Variants in OSBPL9 observed in about 807,000 individuals in gnomAD.
OSBPL9 encodes the protein oxysterol binding protein like 9.
In OSBPL9, 40 loss-of-function variants were observed where a neutral mutation model predicts 106.6. That is an observed-to-expected ratio of 0.38 (90% CI 0.29 to 0.49). The LOEUF is 0.49. Ranked by LOEUF, OSBPL9 falls within the 20% of genes least tolerant of loss-of-function variation. The pLI is 0.97. For missense variants in OSBPL9, 609 were observed against 887.2 expected (o/e 0.69, Z 3.98); for synonymous variants, 269 against 295.4 (o/e 0.91, Z 0.92).
chr1:51,520,430 C>G, the OSBPL9 span, among the ~76,000 whole-genome samples: 5 of 152,188 alleles, frequency 3.3e-5, no homozygotes, highest in Non-Finnish European at 5.9e-5. Context: ...CTGATGTGAC[C>G]GTTTTTATAC....
chr1:51,583,183 T>C (rs1405505784), intron 1 of OSBPL9, among the ~76,000 whole-genome samples: 1 of 152,178 alleles, frequency 6.6e-6, no homozygotes, highest in Non-Finnish European at 1.5e-5. Context: ...ATTTAACATA[T>C]GGTGGCTAGC....
At chr1:51,709,559 G>A (rs1659365122) in intron 3 of OSBPL9, 1 of 152,696 alleles carries the variant, frequency 6.5e-6, no homozygotes, top group Non-Finnish European at 1.5e-5. Context: ...AGAAGATCAA[G>A]GCTGATGGGA....
At chr1:51,761,349 CT>C (rs1218852932) in intron 10 of OSBPL9, among the ~76,000 whole-genome samples, 1 of 151,574 alleles carries the variant, frequency 6.6e-6, no homozygotes, top group Admixed American at 6.6e-5. Context: ...TGACTGATTC[CT>C]TTTGCCCTTT....
chr1:51,775,759 CGCCA>C (rs1674935433), intron 14 of OSBPL9, among the ~76,000 whole-genome samples: 1 of 151,948 alleles, frequency 6.6e-6, no homozygotes, highest in South Asian at 2.1e-4. Context: ...TACGGGTGTG[CGCCA>C]CCACACTCAG....
intron 4 of OSBPL9, among the ~76,000 whole-genome samples, chr1:51,719,813 A>G: frequency 6.6e-6 from 1 of 152,266 alleles, no homozygotes; most frequent in East Asian, 1.9e-4. Flanking sequence ...CAAGTTAAAC[A>G]TAATACAAAG....
chr1:51,536,597 G>T, the OSBPL9 span, among the ~76,000 whole-genome samples: 2 of 152,122 alleles, frequency 1.3e-5, no homozygotes, highest in Admixed American at 1.3e-4. Context: ...GGAATTTCAG[G>T]TGTGAGCCAC....
At chr1:51,696,469 C>T (rs1656032159) in intron 3 of OSBPL9, among the ~76,000 whole-genome samples, 2 of 152,196 alleles carry the variant, frequency 1.3e-5, no homozygotes. Context: ...TTTCCCACAT[C>T]TCCAGCTTAA....
chr1:51,578,027 T>C (rs1645196866), intron 1 of OSBPL9, among the ~76,000 whole-genome samples: 1 of 152,220 alleles, frequency 6.6e-6, no homozygotes, highest in African/African-American at 2.4e-5. Context: ...TTGTGTATAA[T>C]TTGAGTAATG....
the OSBPL9 span, among the ~76,000 whole-genome samples, chr1:51,551,967 A>ATGTGTGTGTGTG: frequency 0.025 from 3,562 of 145,170 alleles, 65 homozygotes; most frequent in Non-Finnish European, 0.03. Flanking sequence ...GTGAATAGAA[A>ATGTGTGTGTGTG]TGTGTGTGTG....
intron 7 of OSBPL9, among the ~76,000 whole-genome samples, chr1:51,749,893 G>GA (rs762102828): frequency 2.1e-5 from 3 of 139,634 alleles, no homozygotes; most frequent in South Asian, 2.3e-4. Flanking sequence ...AAAAAAAAAA[G>GA]AAAAAAAAAT....
chr1:51,530,180 A>AAAAAAAAAAACAAAC, the OSBPL9 span, among the ~76,000 whole-genome samples: 1 of 114,428 alleles, frequency 8.7e-6, no homozygotes, highest in Non-Finnish European at 1.8e-5. Flanking sequence ...CAAAAAAAAA[A>AAAAAAAAAAACAAAC]AAAAAAAAAA....
At position 51,785,790 on chromosome 1, in the gene OSBPL9, A is replaced by G; in HGVS notation, c.1830-18A>G. 1 of 1,609,208 alleles carries G rather than the reference A, an allele frequency of 6.2e-7. No homozygotes were observed. The highest frequency in any genetic ancestry group is 8.5e-7 in the Non-Finnish European group (1 of 1,176,072). On this transcript the variant is annotated intron_variant, in intron 20 of 23. Transcript: ENST00000428468. ...TTTTCAACTTGAGACTAACACAAGT[A>G]TTTCCTTTTCTGTTCAGTTCTCCAA...
chr1:51,743,187 A>T (rs1667290747), intron 4 of OSBPL9, among the ~76,000 whole-genome samples: 1 of 152,268 alleles, frequency 6.6e-6, no homozygotes, highest in African/African-American at 2.4e-5. Context: ...TGATTGGGCC[A>T]GTTCTGGGAC....
the OSBPL9 span, among the ~76,000 whole-genome samples, chr1:51,522,048 T>G: frequency 6.6e-6 from 1 of 152,192 alleles, no homozygotes; most frequent in Non-Finnish European, 1.5e-5. Flanking sequence ...TGAGCCACCG[T>G]GCCCGGCCAA....
chr1:51,776,743 GTGTTTTGTTT>G lies in OSBPL9; in HGVS notation c.1171-83_1171-74del. On this transcript the variant is annotated intron_variant, in intron 14 of 23. Coordinates refer to ENST00000428468, the MANE Select transcript of OSBPL9 (RefSeq NM_024586.6). ...ATGTTACCATGATTTGAATGAGGTG[GTGTTTTGTTT>G]TGTTTTCTTTTTTTTTTTTTTAGTC... is the stretch of plus-strand genomic sequence containing the variant. 4 of 818,668 alleles carry G rather than the reference GTGTTTTGTTT, an allele frequency of 4.9e-6. No individual in the cohort carries two copies. The South Asian group carries it at 6.6e-5, about 13-fold the overall frequency. 50.7% of individuals were successfully genotyped at this position (818,668 alleles called of 1,614,324 possible).
In OSBPL9 at chr1:51,724,660, GT is replaced by G. The variant is rs68126488; in HGVS notation, c.318+10587del. ...TTTTGCTCTTCTGTAGGCAAGTTGA[GT>G]TTTTTCCCCCTCTAGCTTCTCTCAG... On this transcript the variant is annotated intron_variant, in intron 4 of 23. Transcript: ENST00000428468. 521 of 153,072 alleles carry G rather than the reference GT, an allele frequency of 3.4e-3. 3 individuals carry two copies. The highest frequency in any genetic ancestry group is 0.012 in the African/African-American group (491 of 41,490). 9.5% of individuals were successfully genotyped at this position (153,072 alleles called of 1,614,324 possible).
At chr1:51,587,268 G>T (rs952715143) in intron 1 of OSBPL9, among the ~76,000 whole-genome samples, 1 of 152,216 alleles carries the variant, frequency 6.6e-6, no homozygotes, top group Admixed American at 6.5e-5. Context: ...AGGAGGCTGA[G>T]GTGGGAGAAT....
intron 3 of OSBPL9, among the ~76,000 whole-genome samples, chr1:51,697,135 G>A (rs1656191967): frequency 6.6e-6 from 1 of 151,094 alleles, no homozygotes; most frequent in Non-Finnish European, 1.5e-5. Flanking sequence ...TCTCCAGCCT[G>A]GGCAACAGAG....
intron 1 of OSBPL9, among the ~76,000 whole-genome samples, chr1:51,626,737 C>T (rs1644791984): frequency 6.6e-6 from 1 of 151,748 alleles, no homozygotes; most frequent in Admixed American, 6.6e-5. Context: ...CCAGGCTAGT[C>T]TTGAACTCCT....
Sources: gnomAD v4.1 joint callset for allele counts (sites outside exome capture counted in the v4.1 genomes callset) on GRCh38, gnomAD v4.1.1 for gene constraint, MANE v1.5 for transcripts, NCBI Gene and HGNC (gene_info 2026-07-23, HGNC 2026-07-21) for gene names.